CLEC9A: variants seen among roughly 807,000 people sequenced by gnomAD.
CLEC9A encodes C-type lectin domain containing 9A.
A neutral mutation model predicts 30.0 loss-of-function variants in CLEC9A; 24 were observed. The ratio of observed to expected loss-of-function variants is 0.80; its 90% CI spans 0.58 to 1.13. The LOEUF (loss-of-function observed/expected upper bound fraction) is 1.13. Among genes scored for constraint, CLEC9A ranks in the 50% most tolerant of loss-of-function variants. The pLI is 0.00. For missense variants in CLEC9A, 251 were observed against 280.9 expected, an observed-to-expected ratio of 0.89 and a Z score of 0.76; for synonymous variants, 111 against 96.8, an observed-to-expected ratio of 1.15 and a Z score of -0.86.
intron 7 of CLEC9A, among the ~76,000 whole-genome samples, chr12:10,064,249 T>G (rs914158488): frequency 1.3e-5 from 2 of 152,182 alleles, no homozygotes; most frequent in African/African-American, 4.8e-5. Context: ...CAGTTGTAGG[T>G]GCAAAAAGTT....
intron 1 of CLEC9A, among the ~76,000 whole-genome samples, chr12:10,032,476 C>T (rs921034837): frequency 6.8e-6 from 1 of 148,120 alleles, no homozygotes; most frequent in Non-Finnish European, 1.5e-5. Context: ...CTGCAATCTC[C>T]GCCTCCCGGG....
In CLEC9A at chr12:10,065,756, C is replaced by T. The variant is rs1365692866; in HGVS notation, c.*124C>T. 3.6e-5 allele frequency: 34 copies of T among 944,566 alleles called. No individual in the cohort carries two copies. Among genetic ancestry groups the T allele is most frequent in the Non-Finnish European group, 4.8e-5 (31 of 640,572 alleles). 58.5% of individuals were successfully genotyped at this position (944,566 alleles called of 1,614,324 possible). Reference sequence around the variant, plus strand: ...AAAATGTGGGCCATGAAATTAGCAACCTGGGACTCAATAATACACTTGGGA... The same window carrying T: ...AAAATGTGGGCCATGAAATTAGCAATCTGGGACTCAATAATACACTTGGGA... On this transcript the variant is annotated 3_prime_UTR_variant, in exon 9 of 9. Coordinates refer to ENST00000355819, the MANE Select transcript of CLEC9A (RefSeq NM_207345.4).
chr12:10,030,920 C>T lies in CLEC9A; in HGVS notation c.-370C>T, dbSNP rs146180092. The T allele has an allele frequency of 1.1e-4, 16 of 152,218 alleles. No individual in the cohort carries two copies. Among genetic ancestry groups the T allele is most frequent in the African/African-American group, 3.9e-4 (16 of 41,510 alleles). The allele number at this position is 152,218 out of a possible 1,614,324, so 9.4% of individuals were successfully genotyped here. ...TGATCCACACAATGGTAAAGATTCC[C>T]ATGTTAGCCAAGATCTAAATGATTC... On this transcript the variant is annotated 5_prime_UTR_variant, in exon 1 of 9. Transcript: ENST00000355819.
intron 4 of CLEC9A, 87 bp downstream of exon 4, chr12:10,052,865 T>C: frequency 6.9e-7 from 1 of 1,444,692 alleles, no homozygotes; most frequent in Non-Finnish European, 9.4e-7. Flanking sequence ...AGATGTTTAT[T>C]CTAATCCGAG....
intron 1 of CLEC9A, among the ~76,000 whole-genome samples, chr12:10,032,797 A>T (rs953867037): frequency 6.6e-6 from 1 of 152,066 alleles, no homozygotes; most frequent in Non-Finnish European, 1.5e-5. Flanking sequence ...ACATGGTATA[A>T]TATCTCCTAT....
At chr12:10,034,876 A>ATTAG (rs2137294704) in intron 1 of CLEC9A, among the ~76,000 whole-genome samples, 1 of 152,294 alleles carries the variant, frequency 6.6e-6, no homozygotes, top group East Asian at 1.9e-4. Context: ...AGTCAGCTCA[A>ATTAG]TTAGACCCCT....
chr12:10,039,053 A>G (rs985007477), intron 1 of CLEC9A, among the ~76,000 whole-genome samples: 1 of 152,242 alleles, frequency 6.6e-6, no homozygotes, highest in African/African-American at 2.4e-5. Flanking sequence ...GGGCAGGGGC[A>G]GGGGTGAGCC....
At chr12:10,034,589 C>T (rs372047245) in intron 1 of CLEC9A, among the ~76,000 whole-genome samples, 1 of 152,166 alleles carries the variant, frequency 6.6e-6, no homozygotes, top group Non-Finnish European at 1.5e-5. Context: ...GATTCATTAA[C>T]GATTAGTCCC....
At chr12:10,053,259 GA>G (rs758736613) in intron 4 of CLEC9A, among the ~76,000 whole-genome samples, 2 of 152,172 alleles carry the variant, frequency 1.3e-5, no homozygotes, top group Non-Finnish European at 2.9e-5. Flanking sequence ...AGACTTAGGG[GA>G]TTAACAGAAC....
At position 10,063,216 on chromosome 12, in the gene CLEC9A, G is replaced by A; in HGVS notation, c.471+10G>A. 1 of 1,574,668 alleles carries A rather than the reference G, an allele frequency of 6.4e-7. No homozygotes were observed. On this transcript the variant is annotated intron_variant, in intron 7 of 8. Coordinates refer to ENST00000355819, the MANE Select transcript of CLEC9A (RefSeq NM_207345.4). ...GAGCAAAGAAGAAATGGTAAACACTGTTTTGTGGTCTCATGTTATTCTGAA... is the reference window on the plus strand; with the variant it reads ...GAGCAAAGAAGAAATGGTAAACACTATTTTGTGGTCTCATGTTATTCTGAA...
chr12:10,040,020 G>T (rs570032139), intron 1 of CLEC9A, among the ~76,000 whole-genome samples: 4 of 152,054 alleles, frequency 2.6e-5, no homozygotes, highest in African/African-American at 9.7e-5. Context: ...ACAAAGTTTC[G>T]CCACGTTGGC....
Position 10,064,842 on chromosome 12 carries a change from T to C in CLEC9A, c.582T>C (p.Pro194=), listed in dbSNP as rs1866029490. 6.2e-7 allele frequency: 1 copy of C among 1,612,770 alleles called. No individual in the cohort carries two copies. Among genetic ancestry groups the C allele is most frequent in the Admixed American group, 1.7e-5 (1 of 59,770 alleles). ...GRWLWQDGSS[P]SPGLLPAERS... ...GGCTTTGGCAAGATGGCTCCTCTCC[T>C]TCTCCTGGCCTGTAAGTCTCTGAGT... The change falls in exon 8 of 9, where the codon CCT becomes CCC. Residue 194 remains proline, a synonymous_variant. Coordinates refer to ENST00000355819, the MANE Select transcript of CLEC9A (RefSeq NM_207345.4).
At chr12:10,052,153 T>A (rs1195564267) in intron 3 of CLEC9A, 59 bp downstream of exon 3, 2 of 152,476 alleles carry the variant, frequency 1.3e-5, no homozygotes, top group African/African-American at 4.8e-5. Flanking sequence ...TTTATCACAG[T>A]AAGTAGCATT....
At chr12:10,048,621 A>C (rs1865868099) in intron 2 of CLEC9A, among the ~76,000 whole-genome samples, 1 of 152,152 alleles carries the variant, frequency 6.6e-6, no homozygotes. Flanking sequence ...GTCTCAAGAA[A>C]CCATTTTATT....
At chr12:10,043,704 A>G (rs529035512) in intron 2 of CLEC9A, among the ~76,000 whole-genome samples, 8 of 151,664 alleles carry the variant, frequency 5.3e-5, no homozygotes, top group African/African-American at 1.9e-4. Context: ...AGAGAGAGAG[A>G]TGGAGTCTCG....
At chr12:10,055,916 GGGAGT>G (rs1042238421) in intron 5 of CLEC9A, among the ~76,000 whole-genome samples, 3 of 151,568 alleles carry the variant, frequency 2.0e-5, no homozygotes, top group Admixed American at 2.0e-4. Flanking sequence ...AAAATTAGCC[GGGAGT>G]GGTGGGGTGC....
intron 2 of CLEC9A, among the ~76,000 whole-genome samples, chr12:10,048,368 A>G (rs896613787): frequency 6.7e-4 from 6 of 8,966 alleles, no homozygotes; most frequent in Non-Finnish European, 1.9e-3. Flanking sequence ...GAGATTCCGA[A>G]AAAAAAAAAA....
At chr12:10,064,633 C>T (rs1352143216) in intron 7 of CLEC9A, 99 bp from the exon 8 acceptor site, 2 of 1,263,052 alleles carry the variant, frequency 1.6e-6, no homozygotes, top group Non-Finnish European at 2.2e-6. Context: ...ATTTCAAGTT[C>T]CCATTAATTT....
At position 10,064,714 on chromosome 12, in the gene CLEC9A, T is replaced by C; in HGVS notation, c.472-18T>C. The C allele has an allele frequency of 6.9e-7, 1 of 1,456,662 alleles. No homozygotes were observed. The highest frequency in any genetic ancestry group is 9.0e-7 in the Non-Finnish European group (1 of 1,105,528). The allele number at this position is 1,456,662 out of a possible 1,614,324, so 90.2% of individuals were successfully genotyped here. A position where few individuals can be genotyped will look rare whatever the true frequency, so the allele number is the denominator to read the frequency against. On this transcript the variant is annotated intron_variant, in intron 7 of 8. Transcript: ENST00000355819. ...TTGTTTGTTTTTCTCATTTCACAGT[T>C]CAATTTTTGTCTCATAGGATTTTAT...
Sources: gnomAD v4.1 joint callset for allele counts (sites outside exome capture counted in the v4.1 genomes callset) on GRCh38, gnomAD v4.1.1 for gene constraint, MANE v1.5 for transcripts, NCBI Gene and HGNC (gene_info 2026-07-23, HGNC 2026-07-21) for gene names.